The following CORIN variants were observed in gnomAD, a reference collection of about 807,000 sequenced individuals.
CORIN encodes corin, serine peptidase, also known as atrial natriuretic peptide-converting enzyme.
A neutral mutation model predicts 125.3 loss-of-function variants in CORIN; 117 were observed. The ratio of observed to expected loss-of-function variants is 0.93; its 90% CI spans 0.80 to 1.09. The LOEUF (loss-of-function observed/expected upper bound fraction) is 1.09, where lower values mean the gene tolerates loss of function less well. Ranked by LOEUF, CORIN falls within the 50% of genes least tolerant of loss-of-function variation. The pLI, the probability that CORIN is intolerant of heterozygous loss-of-function variation, is 0.00. For synonymous variants in CORIN, 450 were observed against 466.4 expected (o/e 0.96, Z 0.45); for missense variants, 1,253 against 1,306.7 (o/e 0.96, Z 0.63).
chr4:47,600,146 T>G, intron 21 of CORIN, 68 bp downstream of exon 21: 547 of 1,372,528 alleles, frequency 4.0e-4, no homozygotes, highest in Non-Finnish European at 4.9e-4. Context: ...TACGTAATAA[T>G]GAGTTTATAG....
intron 3 of CORIN, among the ~76,000 whole-genome samples, chr4:47,780,758 G>A (rs1730504628): frequency 6.6e-6 from 1 of 152,088 alleles, no homozygotes. Context: ...TCAGAGGTGG[G>A]ACAGAGCAGT....
intron 16 of CORIN, among the ~76,000 whole-genome samples, chr4:47,640,974 C>T (rs1375884295): frequency 1.3e-5 from 2 of 152,154 alleles, no homozygotes; most frequent in African/African-American, 4.8e-5. Context: ...TTTTTCCACT[C>T]TCACAAAGTT....
intron 21 of CORIN, among the ~76,000 whole-genome samples, chr4:47,599,313 G>A (rs138543392): frequency 6.6e-6 from 1 of 152,260 alleles, no homozygotes; most frequent in African/African-American, 2.4e-5. Context: ...AATCACCACA[G>A]GGCCATTTTC....
chr4:47,683,336 T>C (rs1035943791), intron 7 of CORIN: 1 of 165,810 alleles, frequency 6.0e-6, no homozygotes, highest in Non-Finnish European at 1.3e-5. Flanking sequence ...GGGACTTCAG[T>C]CACATGTACC....
At chr4:47,699,801 A>C (rs534317905) in intron 5 of CORIN, among the ~76,000 whole-genome samples, 32 of 152,350 alleles carry the variant, frequency 2.1e-4, no homozygotes, top group African/African-American at 7.7e-4. Context: ...GCCTGCAGAC[A>C]CATCTGGTTT....
intron 5 of CORIN, among the ~76,000 whole-genome samples, chr4:47,728,795 C>T (rs1429428413): frequency 6.6e-6 from 1 of 152,122 alleles, no homozygotes; most frequent in Non-Finnish European, 1.5e-5. Context: ...AGCCACTGAA[C>T]AAAATAATAT....
At chr4:47,647,546 C>T (rs1041429035) in intron 13 of CORIN, among the ~76,000 whole-genome samples, 4 of 152,056 alleles carry the variant, frequency 2.6e-5, no homozygotes, top group Non-Finnish European at 1.5e-5. Flanking sequence ...AATGAGATAA[C>T]ATGTATTATC....
intron 4 of CORIN, among the ~76,000 whole-genome samples, chr4:47,754,456 T>G (rs1729046645): frequency 6.6e-6 from 1 of 152,160 alleles, no homozygotes; most frequent in South Asian, 2.1e-4. Context: ...TCATCTTTTT[T>G]GTTTGACTAC....
chr4:47,683,754 T>C lies in CORIN; in HGVS notation c.998A>G (p.Asp333Gly). The change falls in exon 7 of 22, where the codon GAT becomes GGT. Residue 333 changes from aspartate to glycine, a missense_variant. Physicochemically the swap from Asp to Gly is moderately conservative, Grantham distance 94 (BLOSUM62 -1). Transcript: ENST00000273857. ...ACCACAGTTTTGCTCATCACTCAAA[T>C]CCCCACAGTCATCATATCCATCACA... Reference protein sequence around the residue: ...LVCDGYDDCGDLSDEQNCDCN... With the variant: ...LVCDGYDDCGGLSDEQNCDCN... 2 of 1,613,380 alleles carry C rather than the reference T, an allele frequency of 1.2e-6. No individual in the cohort carries two copies. Among genetic ancestry groups the C allele is most frequent in the African/African-American group, 2.7e-5 (2 of 75,030 alleles).
At chr4:47,746,159 C>T (rs1728654107) in intron 4 of CORIN, among the ~76,000 whole-genome samples, 1 of 152,198 alleles carries the variant, frequency 6.6e-6, no homozygotes. Context: ...TATTTCCTGC[C>T]TGTCCTGACT....
chr4:47,771,177 T>C (rs1288808300), intron 3 of CORIN, among the ~76,000 whole-genome samples: 3 of 152,164 alleles, frequency 2.0e-5, no homozygotes, highest in Non-Finnish European at 4.4e-5. Context: ...AGGGACCAAC[T>C]AGACTGGAAA....
intron 5 of CORIN, among the ~76,000 whole-genome samples, chr4:47,734,235 G>A (rs1280198570): frequency 6.6e-6 from 1 of 152,206 alleles, no homozygotes; most frequent in African/African-American, 2.4e-5. Flanking sequence ...TCAGAAAGGA[G>A]AATGGGGTAC....
intron 6 of CORIN, among the ~76,000 whole-genome samples, chr4:47,692,328 T>C (rs1725808441): frequency 6.6e-6 from 1 of 152,250 alleles, no homozygotes; most frequent in South Asian, 2.1e-4. Context: ...ACACTAGCTT[T>C]GTTTATTACA....
In CORIN at chr4:47,645,080, C is replaced by T. The variant is rs745660976; in HGVS notation, c.1957+1G>A. The T allele has an allele frequency of 2.5e-6, 4 of 1,570,054 alleles. No homozygotes were observed. Among genetic ancestry groups the T allele is most frequent in the East Asian group, 2.2e-5 (1 of 44,516 alleles). On this transcript the variant is annotated splice_donor_variant, in intron 14 of 21. Coordinates refer to ENST00000273857, the MANE Select transcript of CORIN (RefSeq NM_006587.4). LOFTEE classifies it high-confidence loss of function. ...GTTGACAAATTCGCATAAGCACTTACAGCAGTTTTTCTCGTCCATGTAATC... is the reference window on the plus strand; with the variant it reads ...GTTGACAAATTCGCATAAGCACTTATAGCAGTTTTTCTCGTCCATGTAATC...
intron 21 of CORIN, among the ~76,000 whole-genome samples, chr4:47,598,274 G>A (rs1257227721): frequency 6.6e-6 from 1 of 152,028 alleles, no homozygotes; most frequent in East Asian, 1.9e-4. Context: ...TATAATAGAG[G>A]TCTAAGTAGA....
At chr4:47,835,527 C>A (rs1318991019) in intron 1 of CORIN, among the ~76,000 whole-genome samples, 1 of 152,158 alleles carries the variant, frequency 6.6e-6, no homozygotes, top group Non-Finnish European at 1.5e-5. Flanking sequence ...AAAGGAGTAC[C>A]TCATTAACAG....
At chr4:47,634,210 AG>A (rs1722942052) in intron 16 of CORIN, among the ~76,000 whole-genome samples, 1 of 152,144 alleles carries the variant, frequency 6.6e-6, no homozygotes, top group Non-Finnish European at 1.5e-5. Flanking sequence ...AGGAGGGCAA[AG>A]GGGATGGCAG....
chr4:47,822,878 C>T (rs1016221690), intron 1 of CORIN, among the ~76,000 whole-genome samples: 6 of 150,110 alleles, frequency 4.0e-5, no homozygotes, highest in Non-Finnish European at 7.4e-5. Flanking sequence ...TGCAGTGGTG[C>T]GATATCGGCT....
At chr4:47,793,358 G>C (rs1193485495) in intron 2 of CORIN, among the ~76,000 whole-genome samples, 1 of 152,140 alleles carries the variant, frequency 6.6e-6, no homozygotes, top group East Asian at 1.9e-4. Context: ...TTGCCAAGAG[G>C]GGTATCAGTG....
Sources: gnomAD v4.1 joint callset for allele counts (sites outside exome capture counted in the v4.1 genomes callset) on GRCh38, gnomAD v4.1.1 for gene constraint, MANE v1.5 for transcripts, NCBI Gene and HGNC (gene_info 2026-07-23, HGNC 2026-07-21) for gene names.